The following COL26A1 variants were observed in gnomAD, a reference collection of about 807,000 sequenced individuals.
COL26A1 encodes the protein collagen type XXVI alpha 1 chain.
COL26A1 carries 41 observed loss-of-function variants against 59.3 expected under a neutral mutation model. That is an observed-to-expected ratio of 0.69 (90% CI 0.54 to 0.90). The LOEUF is 0.90. Ranked by LOEUF, COL26A1 falls within the 40% of genes least tolerant of loss-of-function variation. COL26A1 has a pLI of 0.00. For synonymous variants in COL26A1, 266 were observed against 256.0 expected (o/e 1.04, Z -0.37); for missense variants, 612 against 602.3 (o/e 1.02, Z -0.17).
intron 3 of COL26A1, among the ~76,000 whole-genome samples, chr7:101,493,247 C>T (rs1456372834): frequency 6.6e-6 from 1 of 150,448 alleles, no homozygotes; most frequent in African/African-American, 2.5e-5. Context: ...TGCCTCCCTC[C>T]CCACCCCGCC....
intron 3 of COL26A1, among the ~76,000 whole-genome samples, chr7:101,506,327 A>C (rs1271431613): frequency 4.6e-5 from 7 of 152,274 alleles, no homozygotes; most frequent in Non-Finnish European, 1.0e-4. Context: ...GCTGAAAAGC[A>C]CATTAAAATG....
At chr7:101,507,171 T>C (rs963420082) in intron 3 of COL26A1, among the ~76,000 whole-genome samples, 10 of 152,134 alleles carry the variant, frequency 6.6e-5, no homozygotes, top group African/African-American at 2.2e-4. Flanking sequence ...TGCCTCGGCC[T>C]CCCAAAGTAC....
intron 3 of COL26A1, among the ~76,000 whole-genome samples, chr7:101,462,004 T>TTC (rs1793625521): frequency 6.7e-6 from 1 of 150,346 alleles, no homozygotes; most frequent in Admixed American, 6.6e-5. Context: ...CACTTTTTTT[T>TTC]TTTTTTTTTT....
At chr7:101,541,878 A>T (rs1342262102) in intron 5 of COL26A1, among the ~76,000 whole-genome samples, 1 of 152,186 alleles carries the variant, frequency 6.6e-6, no homozygotes, top group Admixed American at 6.5e-5. Context: ...CCAGGGGTTG[A>T]AGGCTGAGGT....
intron 1 of COL26A1, among the ~76,000 whole-genome samples, chr7:101,365,666 T>G (rs548059247): frequency 6.6e-6 from 1 of 152,056 alleles, no homozygotes; most frequent in African/African-American, 2.4e-5. Flanking sequence ...TCAAATGATC[T>G]GCCTGCCTCA....
chr7:101,447,771 G>A lies in COL26A1; in HGVS notation c.369G>A (p.Gly123=), dbSNP rs774224144. 3 of 1,600,460 alleles carry A rather than the reference G, an allele frequency of 1.9e-6. No individual in the cohort carries two copies. The highest frequency in any genetic ancestry group is 2.6e-6 in the Non-Finnish European group (3 of 1,173,584). Residue 123 remains glycine, a synonymous_variant, in exon 3 of 13, where the codon GGG becomes GGA. Transcript: ENST00000313669. The part of the protein sequence containing the change: ...LEWRCCPGFT[G]SNCDEECMNC... ...GGAGATGCTGCCCTGGCTTCACCGGGAGCAACTGTGATGAGGGTAAGTTGG... is the reference window on the plus strand; with the variant it reads ...GGAGATGCTGCCCTGGCTTCACCGGAAGCAACTGTGATGAGGGTAAGTTGG...
intron 1 of COL26A1, among the ~76,000 whole-genome samples, chr7:101,375,898 A>G (rs1469517247): frequency 6.6e-6 from 1 of 150,644 alleles, no homozygotes; most frequent in Non-Finnish European, 1.5e-5. Context: ...AGGCAGGAGA[A>G]TGGCATGAAC....
chr7:101,519,201 C>T (rs1461244430), intron 3 of COL26A1, among the ~76,000 whole-genome samples: 1 of 152,206 alleles, frequency 6.6e-6, no homozygotes, highest in Non-Finnish European at 1.5e-5. Context: ...AGGATCTGGG[C>T]ACTAATGCTC....
intron 3 of COL26A1, among the ~76,000 whole-genome samples, chr7:101,489,790 CTT>C (rs1411085582): frequency 0.013 from 27 of 2,102 alleles, 4 homozygotes; most frequent in Non-Finnish European, 0.022. Flanking sequence ...TTCTTTCTTT[CTT>C]TCTTTCTTTC....
intron 3 of COL26A1, among the ~76,000 whole-genome samples, chr7:101,471,314 G>C (rs116455978): frequency 6.6e-6 from 1 of 152,104 alleles, no homozygotes; most frequent in Non-Finnish European, 1.5e-5. Flanking sequence ...GCCACATCAC[G>C]ATACACCCTG....
intron 9 of COL26A1, 125 bp from the exon 10 acceptor site, chr7:101,550,983 C>A: frequency 1.8e-6 from 2 of 1,108,940 alleles, no homozygotes; most frequent in South Asian, 1.4e-5. Context: ...CCGGCCGGGC[C>A]ATCCTCCTCT....
At chr7:101,410,563 G>C (rs1339075443) in intron 1 of COL26A1, among the ~76,000 whole-genome samples, 1 of 152,158 alleles carries the variant, frequency 6.6e-6, no homozygotes, top group Non-Finnish European at 1.5e-5. Flanking sequence ...AGGTCAGAGA[G>C]AAAGGAAAAA....
chr7:101,445,731 CAAAAAA>C (rs138245779), intron 2 of COL26A1, among the ~76,000 whole-genome samples: 3 of 38,452 alleles, frequency 7.8e-5, no homozygotes, highest in South Asian at 1.8e-3. Context: ...GACTCCGTCT[CAAAAAA>C]AAAAAAAAAA....
intron 1 of COL26A1, among the ~76,000 whole-genome samples, chr7:101,368,026 C>T (rs143664343): frequency 9.8e-5 from 15 of 152,302 alleles, no homozygotes; most frequent in African/African-American, 3.4e-4. Context: ...GTTGAAGAAA[C>T]TTGGCCTTCT....
chr7:101,511,474 G>C (rs1321293022), intron 3 of COL26A1, among the ~76,000 whole-genome samples: 2 of 152,220 alleles, frequency 1.3e-5, no homozygotes, highest in Non-Finnish European at 2.9e-5. Flanking sequence ...GCCCTTGTGG[G>C]TTCCGTTAAG....
intron 2 of COL26A1, among the ~76,000 whole-genome samples, chr7:101,435,947 T>C (rs12532276): frequency 0.73 from 111,366 of 152,166 alleles, 41,870 homozygotes; most frequent in African/African-American, 0.91. Context: ...CTGTTCAGGA[T>C]GGATGCCCGC....
At position 101,557,669 on chromosome 7, in the gene COL26A1, G is replaced by T; in HGVS notation, c.*139G>T. ...TTGTGAGGACATGGGGGGCTTTGGGGACAGATAATGTCTCCAGGGGCAGGG... is the reference window on the plus strand; with the variant it reads ...TTGTGAGGACATGGGGGGCTTTGGGTACAGATAATGTCTCCAGGGGCAGGG... On this transcript the variant is annotated 3_prime_UTR_variant, in exon 13 of 13. Transcript: ENST00000313669. 1 of 859,618 alleles carries T rather than the reference G, an allele frequency of 1.2e-6. No individual in the cohort carries two copies. The highest frequency in any genetic ancestry group is 1.7e-5 in the African/African-American group (1 of 59,096). The allele number at this position is 859,618 out of a possible 1,614,324, so 53.2% of individuals were successfully genotyped here. A position where few individuals can be genotyped will look rare whatever the true frequency, so the allele number is the denominator to read the frequency against.
At chr7:101,511,700 C>T (rs1160019890) in intron 3 of COL26A1, among the ~76,000 whole-genome samples, 1 of 152,208 alleles carries the variant, frequency 6.6e-6, no homozygotes. Flanking sequence ...AAGTGTTTCC[C>T]CACAGGCCAA....
intron 3 of COL26A1, among the ~76,000 whole-genome samples, chr7:101,466,795 GGTGTGTGTGTGTGTGT>G (rs59942660): frequency 5.6e-5 from 7 of 125,172 alleles, no homozygotes; most frequent in East Asian, 2.3e-4. Flanking sequence ...GGCATGTTCT[GGTGTGTGTGTGTGTGT>G]GTGTGTGTGT....
Sources: allele counts gnomAD v4.1 joint callset (sites outside exome capture counted in the v4.1 genomes callset), GRCh38; gene constraint gnomAD v4.1.1; transcripts MANE v1.5; gene names NCBI Gene and HGNC (gene_info 2026-07-23, HGNC 2026-07-21).